Variants in PDZRN4 observed in about 807,000 individuals in gnomAD.
The protein encoded by PDZRN4 is PDZ domain-containing RING finger protein 4.
Under a neutral mutation model 99.0 loss-of-function variants are expected in PDZRN4, and 70 were observed. The observed-to-expected ratio is 0.71, with a 90% CI of 0.58 to 0.86. The LOEUF (loss-of-function observed/expected upper bound fraction) is 0.86. Among genes scored for constraint, PDZRN4 ranks in the 40% least tolerant of loss-of-function variants. The pLI is 0.00. For missense variants in PDZRN4, 1,474 were observed against 1,331.2 expected (o/e 1.11, Z -1.67); for synonymous variants, 551 against 501.6 (o/e 1.10, Z -1.32).
At chr12:41,447,779 C>T (rs114827521) in intron 3 of PDZRN4, among the ~76,000 whole-genome samples, 104 of 152,110 alleles carry the variant, frequency 6.8e-4, no homozygotes, top group African/African-American at 2.0e-3. Flanking sequence ...TGTTAGAGTA[C>T]ATGTTCATTT....
chr12:41,436,240 T>G (rs1952628345), intron 3 of PDZRN4, among the ~76,000 whole-genome samples: 1 of 152,160 alleles, frequency 6.6e-6, no homozygotes, highest in South Asian at 2.1e-4. Context: ...TCCAGGCTGT[T>G]AGGTGAAATT....
At chr12:41,436,903 A>G (rs1054756600) in intron 3 of PDZRN4, among the ~76,000 whole-genome samples, 2 of 152,178 alleles carry the variant, frequency 1.3e-5, no homozygotes, top group Non-Finnish European at 2.9e-5. Flanking sequence ...TTTGTAAAAT[A>G]TTATATATGA....
intron 3 of PDZRN4, among the ~76,000 whole-genome samples, chr12:41,352,008 A>AAATAAATAAATAAAC (rs1285418917): frequency 3.7e-5 from 1 of 26,780 alleles, no homozygotes; most frequent in East Asian, 1.0e-3. Context: ...AATAAATAAA[A>AAATAAATAAATAAAC]ATTTCAAAGG....
At chr12:41,247,980 T>G (rs1951144311) in intron 3 of PDZRN4, among the ~76,000 whole-genome samples, 1 of 152,174 alleles carries the variant, frequency 6.6e-6, no homozygotes, top group Non-Finnish European at 1.5e-5. Flanking sequence ...TGAAAGTTAT[T>G]GGACTGTTGT....
At chr12:41,422,956 T>C (rs1467424317) in intron 3 of PDZRN4, among the ~76,000 whole-genome samples, 1 of 152,096 alleles carries the variant, frequency 6.6e-6, no homozygotes, top group Non-Finnish European at 1.5e-5. Context: ...TCCAGTATCT[T>C]CCTTCCTTTT....
chr12:41,206,086 G>T (rs984105148), intron 3 of PDZRN4, among the ~76,000 whole-genome samples: 5 of 151,864 alleles, frequency 3.3e-5, no homozygotes, highest in Admixed American at 1.3e-4. Flanking sequence ...AACTAATTAT[G>T]AATTTTACCT....
chr12:41,571,374 T>TCACACACACA (rs1254502549), intron 9 of PDZRN4, among the ~76,000 whole-genome samples: 10 of 60,714 alleles, frequency 1.6e-4, no homozygotes, highest in African/African-American at 6.6e-4. Context: ...TCTCTCTCTC[T>TCACACACACA]CTCACACACA....
rs1223392106 is a variant in PDZRN4 at position 41,557,768 on chromosome 12, A to G, written c.1365+2008A>G. 2.6e-5 allele frequency among the ~76,000 whole-genome samples: 4 copies of G among 152,040 alleles called. No homozygotes were observed. The East Asian group carries it at 7.7e-4, about 29-fold the overall frequency. On this transcript the variant is annotated intron_variant, in intron 7 of 9. Transcript: ENST00000402685. ...TGAATTAATGATCGTTTGGGGTCCC[A>G]CTAGTTTTCAGAAAACCTCAAGAAC... is the stretch of plus-strand genomic sequence containing the variant.
At chr12:41,233,604 A>T (rs1214169165) in intron 3 of PDZRN4, among the ~76,000 whole-genome samples, 1 of 152,192 alleles carries the variant, frequency 6.6e-6, no homozygotes, top group African/African-American at 2.4e-5. Context: ...AGTACTATGC[A>T]GCCATAAAAA....
Position 41,510,195 on chromosome 12 carries a change from A to T in PDZRN4, c.1203+282A>T, listed in dbSNP as rs568332452. Among the ~76,000 whole-genome samples, 11 of 152,284 alleles carry T rather than the reference A, an allele frequency of 7.2e-5. No homozygotes were observed. In the East Asian group the frequency reaches 2.1e-3, roughly 29 times the overall value. On this transcript the variant is annotated intron_variant, in intron 5 of 9. Coordinates refer to ENST00000402685, the MANE Select transcript of PDZRN4 (RefSeq NM_001164595.2). ...ACATTTTTAAAATCTGTTCTATAAT[A>T]TATGTGGATTTCCAAGTGGAGTTTG...
intron 3 of PDZRN4, among the ~76,000 whole-genome samples, chr12:41,275,140 C>T (rs1010738366): frequency 6.6e-6 from 1 of 152,076 alleles, no homozygotes; most frequent in Non-Finnish European, 1.5e-5. Flanking sequence ...AGAAGCAACT[C>T]TGGAAGGGAG....
intron 5 of PDZRN4, among the ~76,000 whole-genome samples, chr12:41,524,135 G>A (rs1459454304): frequency 6.6e-6 from 1 of 152,060 alleles, no homozygotes; most frequent in Non-Finnish European, 1.5e-5. Flanking sequence ...AAATACTTAG[G>A]AATAAGTATA....
intron 3 of PDZRN4, among the ~76,000 whole-genome samples, chr12:41,284,167 C>A (rs1255355989): frequency 6.6e-6 from 1 of 152,070 alleles, no homozygotes; most frequent in Non-Finnish European, 1.5e-5. Flanking sequence ...AATGTCTCAG[C>A]ATACAAAATA....
chr12:41,207,533 C>A (rs1950859771), intron 3 of PDZRN4, among the ~76,000 whole-genome samples: 3 of 151,742 alleles, frequency 2.0e-5, no homozygotes, highest in African/African-American at 7.2e-5. Flanking sequence ...TACTGTAATT[C>A]ATAAATAAAT....
At chr12:41,309,227 T>C (rs1461036914) in intron 3 of PDZRN4, among the ~76,000 whole-genome samples, 1 of 152,160 alleles carries the variant, frequency 6.6e-6, no homozygotes, top group African/African-American at 2.4e-5. Context: ...CAGTTTTGTG[T>C]TTGCTATAAA....
intron 3 of PDZRN4, among the ~76,000 whole-genome samples, chr12:41,401,528 T>G (rs186329189): frequency 3.9e-5 from 6 of 152,288 alleles, no homozygotes; most frequent in African/African-American, 1.2e-4. Flanking sequence ...CTTCCTCAGT[T>G]TCTTCCTCGC....
chr12:41,541,396 C>A (rs1402393361), intron 5 of PDZRN4, among the ~76,000 whole-genome samples: 2 of 151,930 alleles, frequency 1.3e-5, no homozygotes, highest in African/African-American at 2.4e-5. Flanking sequence ...GCAATGATAA[C>A]CCTTACCACC....
At chr12:41,329,641 T>C (rs961873572) in intron 3 of PDZRN4, among the ~76,000 whole-genome samples, 2 of 152,098 alleles carry the variant, frequency 1.3e-5, no homozygotes, top group Non-Finnish European at 2.9e-5. Flanking sequence ...TTTTCTTTAA[T>C]ATAATTGTAG....
intron 3 of PDZRN4, among the ~76,000 whole-genome samples, chr12:41,353,006 T>C (rs1027030245): frequency 2.6e-5 from 4 of 152,070 alleles, no homozygotes; most frequent in Non-Finnish European, 5.9e-5. Context: ...TTGGACAATA[T>C]AGTTGGCAAG....
Sources: allele counts gnomAD v4.1 joint callset (sites outside exome capture counted in the v4.1 genomes callset), GRCh38; gene constraint gnomAD v4.1.1; transcripts MANE v1.5; gene names NCBI Gene and HGNC (gene_info 2026-07-23, HGNC 2026-07-21).